ADARB2: variants seen among roughly 807,000 people sequenced by gnomAD.
The protein encoded by ADARB2 is inactive double-stranded RNA-specific editase B2.
Under a neutral mutation model 62.2 loss-of-function variants are expected in ADARB2, and 25 were observed. The ratio of observed to expected loss-of-function variants is 0.40; its 90% CI spans 0.29 to 0.56. The LOEUF (loss-of-function observed/expected upper bound fraction) is 0.56, where lower values mean the gene tolerates loss of function less well. ADARB2 is among the 20% of genes least tolerant of loss of function. The pLI is 0.43. For synonymous variants in ADARB2, 572 were observed against 500.8 expected, an observed-to-expected ratio of 1.14 and a Z score of -1.90; for missense variants, 1,071 against 1,077.4, an observed-to-expected ratio of 0.99 and a Z score of 0.08.
intron 1 of ADARB2, among the ~76,000 whole-genome samples, chr10:1,637,894 G>A (rs1002480316): frequency 6.6e-6 from 1 of 152,206 alleles, no homozygotes; most frequent in Admixed American, 6.5e-5. Flanking sequence ...TGGAAAAGTA[G>A]AAATTAAAAT....
intron 3 of ADARB2, among the ~76,000 whole-genome samples, chr10:1,310,996 A>G (rs1831685008): frequency 6.6e-6 from 1 of 152,230 alleles, no homozygotes; most frequent in African/African-American, 2.4e-5. Context: ...TGATGTTGCC[A>G]CTGGTCTGCC....
chr10:1,427,658 C>T (rs1011950609), intron 1 of ADARB2, among the ~76,000 whole-genome samples: 4 of 152,182 alleles, frequency 2.6e-5, no homozygotes, highest in Non-Finnish European at 5.9e-5. Flanking sequence ...CTCTGGAAAA[C>T]AGTTTGGCAG....
chr10:1,222,253 T>C (rs921281888), intron 6 of ADARB2, among the ~76,000 whole-genome samples: 4 of 152,258 alleles, frequency 2.6e-5, no homozygotes, highest in Admixed American at 2.6e-4. Flanking sequence ...CGCCCACTTT[T>C]TGAATGGGGT....
chr10:1,460,048 C>T (rs1831151235), intron 1 of ADARB2, among the ~76,000 whole-genome samples: 1 of 66,074 alleles, frequency 1.5e-5, no homozygotes, highest in Non-Finnish European at 3.8e-5. Flanking sequence ...ACCTGTGTAG[C>T]AAACCTGCCT....
intron 4 of ADARB2, among the ~76,000 whole-genome samples, chr10:1,261,873 CA>C (rs1831140767): frequency 6.7e-6 from 1 of 149,444 alleles, no homozygotes; most frequent in African/African-American, 2.6e-5. Flanking sequence ...TTCACAATAG[CA>C]AAGACTTGGA....
chr10:1,481,736 A>C (rs1157012669), intron 1 of ADARB2, among the ~76,000 whole-genome samples: 1 of 152,050 alleles, frequency 6.6e-6, no homozygotes, highest in Non-Finnish European at 1.5e-5. Context: ...GGGTGCCTGT[A>C]ATCCCAGCTA....
chr10:1,362,712 G>A (rs1055287181), intron 3 of ADARB2, among the ~76,000 whole-genome samples: 1 of 152,110 alleles, frequency 6.6e-6, no homozygotes, highest in Non-Finnish European at 1.5e-5. Context: ...CCGACCCTAC[G>A]CGTGGAGACC....
intron 1 of ADARB2, among the ~76,000 whole-genome samples, chr10:1,500,857 G>C (rs963397877): frequency 2.0e-5 from 3 of 152,136 alleles, no homozygotes; most frequent in African/African-American, 7.2e-5. Flanking sequence ...ATATTCTCTA[G>C]TGCACCTTTT....
chr10:1,522,668 T>G (rs765552069), intron 1 of ADARB2, among the ~76,000 whole-genome samples: 25 of 152,236 alleles, frequency 1.6e-4, no homozygotes, highest in Non-Finnish European at 2.9e-4. Context: ...CACATGTCCC[T>G]CTTCTCAGCA....
At chr10:1,644,388 G>C (rs1329506512) in intron 1 of ADARB2, among the ~76,000 whole-genome samples, 2 of 152,252 alleles carry the variant, frequency 1.3e-5, no homozygotes, top group Non-Finnish European at 2.9e-5. Context: ...TATGTTACAT[G>C]CAAAACAAAC....
At position 1,654,862 on chromosome 10, in the gene ADARB2, C is replaced by A. The variant is rs11250706; in HGVS notation, c.100+82189G>T. On this transcript the variant is annotated intron_variant, in intron 1 of 9. Coordinates refer to ENST00000381312, the MANE Select transcript of ADARB2 (RefSeq NM_018702.4). ...AGCCCCTTCCCAGCCACACGCCAGG[C>A]CCAAGGTGATGCATGCTGGGCCATG... Among the ~76,000 whole-genome samples, 44 of 152,308 alleles carry A rather than the reference C, an allele frequency of 2.9e-4. 1 individual carries two copies. In the East Asian group the frequency reaches 7.9e-3, roughly 27 times the overall value.
At position 1,219,550 on chromosome 10, in the gene ADARB2, A is replaced by G. The variant is rs145575029; in HGVS notation, c.1514-2431T>C. On this transcript the variant is annotated intron_variant, in intron 6 of 9. Coordinates refer to ENST00000381312, the MANE Select transcript of ADARB2 (RefSeq NM_018702.4). ...ATTTGGACCGGTCTTTGAGTCATTC[A>G]CGGAAAAAAGAGCGAATGAGAGGTA... 4.6e-3 allele frequency among the ~76,000 whole-genome samples: 704 copies of G among 152,358 alleles called. 4 individuals are homozygous for G. Among genetic ancestry groups the G allele is most frequent in the Non-Finnish European group, 7.8e-3 (534 of 68,036 alleles).
At chr10:1,634,333 C>T (rs189933291) in intron 1 of ADARB2, among the ~76,000 whole-genome samples, 1 of 152,202 alleles carries the variant, frequency 6.6e-6, no homozygotes. Context: ...AAAACCACAG[C>T]GGTTGTTTTC....
intron 2 of ADARB2, among the ~76,000 whole-genome samples, chr10:1,372,883 T>A (rs1183554788): frequency 3.3e-5 from 5 of 152,162 alleles, no homozygotes; most frequent in African/African-American, 9.7e-5. Context: ...CGGGGAACAC[T>A]TGCTATGTTA....
At chr10:1,304,444 C>T (rs1269464414) in intron 3 of ADARB2, among the ~76,000 whole-genome samples, 1 of 152,062 alleles carries the variant, frequency 6.6e-6, no homozygotes, top group Non-Finnish European at 1.5e-5. Flanking sequence ...TAACACCCCA[C>T]TGTCAACATT....
chr10:1,727,041 T>C (rs1157192084), intron 1 of ADARB2, among the ~76,000 whole-genome samples: 2 of 152,190 alleles, frequency 1.3e-5, no homozygotes, highest in African/African-American at 2.4e-5. Context: ...ACGAAAGGTG[T>C]TCAGTAAATG....
intron 1 of ADARB2, among the ~76,000 whole-genome samples, chr10:1,433,601 G>A (rs1830798661): frequency 6.6e-6 from 1 of 152,120 alleles, no homozygotes; most frequent in Non-Finnish European, 1.5e-5. Flanking sequence ...ACTGAGGGGT[G>A]GAGCAGGGAT....
chr10:1,556,342 G>A (rs2131982436), intron 1 of ADARB2, among the ~76,000 whole-genome samples: 1 of 151,530 alleles, frequency 6.6e-6, no homozygotes, highest in Non-Finnish European at 1.5e-5. Flanking sequence ...GGGGATAGAT[G>A]CATTGTGTAG....
chr10:1,526,625 G>T, intron 1 of ADARB2: 1 of 240,954 alleles, frequency 4.2e-6, no homozygotes, highest in Non-Finnish European at 8.9e-6. Context: ...CACGAGTGAA[G>T]CTTCCTGGGG....
Sources: gnomAD v4.1 joint callset for allele counts (sites outside exome capture counted in the v4.1 genomes callset) on GRCh38, gnomAD v4.1.1 for gene constraint, MANE v1.5 for transcripts, NCBI Gene and HGNC (gene_info 2026-07-23, HGNC 2026-07-21) for gene names.